The following PAPOLG variants were observed in gnomAD, a reference collection of about 807,000 sequenced individuals.
PAPOLG encodes poly(A) polymerase gamma.
Under a neutral mutation model 99.0 loss-of-function variants are expected in PAPOLG, and 40 were observed. The ratio of observed to expected loss-of-function variants is 0.40; its 90% CI spans 0.31 to 0.53. The LOEUF (loss-of-function observed/expected upper bound fraction) is 0.53, where lower values mean the gene tolerates loss of function less well. PAPOLG is among the 20% of genes least tolerant of loss of function. The probability of loss-of-function intolerance (pLI) is 0.41; values close to 1 mark genes in which losing one functional copy is unlikely to be tolerated. For missense variants in PAPOLG, 675 were observed against 884.1 expected (o/e 0.76, Z 3.00); for synonymous variants, 310 against 299.3 (o/e 1.04, Z -0.37).
chr2:60,779,401 G>A (rs1671123790), intron 8 of PAPOLG, among the ~76,000 whole-genome samples: 2 of 152,210 alleles, frequency 1.3e-5, no homozygotes, highest in Admixed American at 6.5e-5. Flanking sequence ...GGGAAAGTAA[G>A]GAGGGTAAGA....
intron 3 of PAPOLG, among the ~76,000 whole-genome samples, chr2:60,764,179 G>C (rs1670603212): frequency 6.6e-6 from 1 of 152,190 alleles, no homozygotes; most frequent in African/African-American, 2.4e-5. Flanking sequence ...GAATGAGGGA[G>C]AGAATGTTCA....
At chr2:60,786,216 C>G (rs1385220778) in intron 13 of PAPOLG, among the ~76,000 whole-genome samples, 2 of 151,984 alleles carry the variant, frequency 1.3e-5, no homozygotes, top group Non-Finnish European at 2.9e-5. Context: ...ATATATTGGG[C>G]TGAAATTTTT....
chr2:60,777,169 T>C (rs1453781018), intron 8 of PAPOLG, among the ~76,000 whole-genome samples: 2 of 152,072 alleles, frequency 1.3e-5, no homozygotes, highest in Non-Finnish European at 2.9e-5. Context: ...AAATTTTCTA[T>C]CAGCAGCCAG....
intron 13 of PAPOLG, among the ~76,000 whole-genome samples, chr2:60,784,646 A>G (rs930732776): frequency 6.6e-6 from 1 of 152,210 alleles, no homozygotes; most frequent in Non-Finnish European, 1.5e-5. Context: ...TGTCACTGAA[A>G]CAGTATTTTG....
intron 7 of PAPOLG, among the ~76,000 whole-genome samples, chr2:60,774,591 C>G (rs534244142): frequency 6.6e-6 from 1 of 152,268 alleles, no homozygotes; most frequent in East Asian, 1.9e-4. Flanking sequence ...GTCTCGAGCG[C>G]CTGACCTCAG....
rs973118995 is a variant in PAPOLG at position 60,801,058 on chromosome 2, T to G, written c.*3898T>G. On this transcript the variant is annotated 3_prime_UTR_variant, in exon 22 of 22. Transcript: ENST00000238714. Reference sequence around the variant, plus strand: ...ATTCGTTAACAGGGTCAAACTTTAGTTCAACAAATTTCAACCCAATATTAT... The same window carrying G: ...ATTCGTTAACAGGGTCAAACTTTAGGTCAACAAATTTCAACCCAATATTAT... The G allele has an allele frequency of 1.3e-5, 2 of 152,320 alleles. No individual in the cohort carries two copies. Among genetic ancestry groups the G allele is most frequent in the African/African-American group, 4.8e-5 (2 of 41,434 alleles). 9.4% of individuals were successfully genotyped at this position (152,320 alleles called of 1,614,324 possible).
At chr2:60,766,602 G>T (rs1670682353) in intron 3 of PAPOLG, among the ~76,000 whole-genome samples, 2 of 151,786 alleles carry the variant, frequency 1.3e-5, no homozygotes, top group South Asian at 4.2e-4. Flanking sequence ...AGTAGTTTGA[G>T]GCTGTGGTGA....
chr2:60,801,574 G>A lies in PAPOLG; in HGVS notation c.*4414G>A, dbSNP rs1019313630. ...TTCTCCTACCTCAGCCTCCCAAGTA[G>A]CTGGGACTACAGGCGCCCGCCACCA... On this transcript the variant is annotated 3_prime_UTR_variant, in exon 22 of 22. Coordinates refer to ENST00000238714, the MANE Select transcript of PAPOLG (RefSeq NM_022894.4). 7 of 152,004 alleles carry A rather than the reference G, an allele frequency of 4.6e-5. No homozygotes were observed. Among genetic ancestry groups the A allele is most frequent in the Non-Finnish European group, 1.5e-5 (1 of 68,026 alleles). 9.4% of individuals were successfully genotyped at this position (152,004 alleles called of 1,614,324 possible).
chr2:60,800,634 A>G lies in PAPOLG; in HGVS notation c.*3474A>G, dbSNP rs1671818685. 6.6e-6 allele frequency: 1 copy of G among 152,340 alleles called. No homozygotes were observed. The highest frequency in any genetic ancestry group is 1.5e-5 in the Non-Finnish European group (1 of 68,034). 9.4% of individuals were successfully genotyped at this position (152,340 alleles called of 1,614,324 possible). A position where few individuals can be genotyped will look rare whatever the true frequency, so the allele number is the denominator to read the frequency against. ...TCAAAATGGGCTAAACTTATTTTCC[A>G]CTATGTTCCACACCTTTGAAATAGG... On this transcript the variant is annotated 3_prime_UTR_variant, in exon 22 of 22. Coordinates refer to ENST00000238714, the MANE Select transcript of PAPOLG (RefSeq NM_022894.4).
At chr2:60,761,899 A>C (rs1670531763) in intron 3 of PAPOLG, 92 bp downstream of exon 3, 2 of 916,268 alleles carry the variant, frequency 2.2e-6, no homozygotes, top group Admixed American at 2.1e-5. Context: ...AGTATCTGAA[A>C]TACATCAAAG....
rs1045912608 is a variant in PAPOLG at position 60,798,521 on chromosome 2, A to T, written c.*1361A>T. ...AAATATGGATTATGCTTGAATTACT[A>T]TATTTAAAATGAAAATGTATAGATT... On this transcript the variant is annotated 3_prime_UTR_variant, in exon 22 of 22. Coordinates refer to ENST00000238714, the MANE Select transcript of PAPOLG (RefSeq NM_022894.4). 6.5e-6 allele frequency: 1 copy of T among 152,726 alleles called. No homozygotes were observed. Among genetic ancestry groups the T allele is most frequent in the Non-Finnish European group, 1.5e-5 (1 of 68,046 alleles). 9.5% of individuals were successfully genotyped at this position (152,726 alleles called of 1,614,324 possible).
chr2:60,783,418 C>T (rs1366206969), intron 13 of PAPOLG, among the ~76,000 whole-genome samples: 2 of 130,324 alleles, frequency 1.5e-5, no homozygotes, highest in African/African-American at 2.9e-5. Flanking sequence ...TCAGGCTGAT[C>T]TCGAGCTCCT....
chr2:60,775,238 A>G (rs112218607), intron 8 of PAPOLG, 115 bp downstream of exon 8: 1 of 1,228,162 alleles, frequency 8.1e-7, no homozygotes, highest in African/African-American at 1.5e-5. Flanking sequence ...GTTAAGGGCC[A>G]ATAAACTCTG....
rs1340240658 is a variant in PAPOLG at position 60,792,218 on chromosome 2, C to T, written c.1608C>T (p.Asp536=). The T allele has an allele frequency of 6.2e-7, 1 of 1,609,394 alleles. No homozygotes were observed. Among genetic ancestry groups the T allele is most frequent in the Non-Finnish European group, 8.5e-7 (1 of 1,179,100 alleles). ...LDSSCLDSSR[D]TDNGTPFNSP... ...GCAGTTGTCTGGATAGCTCCAGAGA[C>T]ACTGATAATGGAACACCTTTTAATT... The change falls in exon 17 of 22, where the codon GAC becomes GAT. Residue 536 remains aspartate, a synonymous_variant. Transcript: ENST00000238714.
At chr2:60,791,014 C>T (rs558155693) in intron 15 of PAPOLG, among the ~76,000 whole-genome samples, 37 of 150,922 alleles carry the variant, frequency 2.5e-4, no homozygotes, top group Admixed American at 6.6e-4. Context: ...GCTTGAACCC[C>T]GGAGGCAGAG....
rs1488328952 is a variant in PAPOLG, at chr2:60,771,645, A to G, written c.604+15A>G. ...CAGCTTAAATGGTAAGCTTCTAAAAAGAAATCTCAGATACCTGCTTCAGAA... is the reference window on the plus strand; with the variant it reads ...CAGCTTAAATGGTAAGCTTCTAAAAGGAAATCTCAGATACCTGCTTCAGAA... On this transcript the variant is annotated intron_variant, in intron 7 of 21. Transcript: ENST00000238714. 1.3e-6 allele frequency: 2 copies of G among 1,589,236 alleles called. No individual in the cohort carries two copies. Among genetic ancestry groups the G allele is most frequent in the East Asian group, 2.3e-5 (1 of 44,402 alleles).
intron 15 of PAPOLG, 59 bp from the exon 16 acceptor site, chr2:60,791,702 T>G (rs1671541244): frequency 2.6e-6 from 4 of 1,541,376 alleles, no homozygotes; most frequent in Admixed American, 4.3e-5. Flanking sequence ...TCAGAAAAAT[T>G]AGGCAGAACC....
intron 3 of PAPOLG, among the ~76,000 whole-genome samples, chr2:60,768,101 AT>A (rs1163440325): frequency 1.6e-4 from 24 of 149,228 alleles, no homozygotes; most frequent in Non-Finnish European, 1.6e-4. Context: ...CATTATGGTG[AT>A]TTTTTTTTTT....
intron 15 of PAPOLG, among the ~76,000 whole-genome samples, chr2:60,789,753 T>C (rs949651689): frequency 6.6e-6 from 1 of 152,148 alleles, no homozygotes; most frequent in Non-Finnish European, 1.5e-5. Context: ...CTCATCTGGG[T>C]TTTCTGAATT....
Sources: gnomAD v4.1 joint callset for allele counts (sites outside exome capture counted in the v4.1 genomes callset) on GRCh38, gnomAD v4.1.1 for gene constraint, MANE v1.5 for transcripts, NCBI Gene and HGNC (gene_info 2026-07-23, HGNC 2026-07-21) for gene names.